Variants in SVIL observed in about 807,000 individuals in gnomAD.
The protein encoded by SVIL is supervillin, also known as archvillin.
SVIL carries 101 observed loss-of-function variants against 240.4 expected under a neutral mutation model. That is an observed-to-expected ratio of 0.42 (90% CI 0.36 to 0.50). The LOEUF (loss-of-function observed/expected upper bound fraction) is 0.50, where lower values mean the gene tolerates loss of function less well. SVIL is among the 20% of genes least tolerant of loss of function. The probability of loss-of-function intolerance (pLI) is 0.01; values close to 1 mark genes in which losing one functional copy is unlikely to be tolerated. For missense variants in SVIL, 2,512 were observed against 2,818.7 expected, an observed-to-expected ratio of 0.89 and a Z score of 2.46; for synonymous variants, 999 against 1,100.0, an observed-to-expected ratio of 0.91 and a Z score of 1.82.
At position 29,457,819 on chromosome 10, in the gene SVIL, T is replaced by C. The variant is rs1233322504; in HGVS notation, c.*428A>G. On this transcript the variant is annotated 3_prime_UTR_variant, in exon 38 of 38. Transcript: ENST00000355867. The stretch of plus-strand genomic sequence containing the variant: ...AATCTTGAAAGTGAATGAATACATA[T>C]TGCTTTGTTAAATACATATTTGACT... 6.5e-6 allele frequency: 1 copy of C among 152,732 alleles called. No individual in the cohort carries two copies. The highest frequency in any genetic ancestry group is 2.4e-5 in the African/African-American group (1 of 41,406). The allele number at this position is 152,732 out of a possible 1,614,324, so 9.5% of individuals were successfully genotyped here.
rs770744463 is a variant in SVIL at position 29,488,638 on chromosome 10, G to A, written c.4311C>T (p.Ala1437=). The A allele has an allele frequency of 1.3e-5, 21 of 1,611,176 alleles. No individual in the cohort carries two copies. Among genetic ancestry groups the A allele is most frequent in the Non-Finnish European group, 1.6e-5 (19 of 1,179,128 alleles). Residue 1437 remains alanine, a synonymous_variant, in exon 23 of 38, where the codon GCC becomes GCT. Transcript: ENST00000355867. ...NLTEQNSNNS[A]VPYKRLMLLQ... The stretch of plus-strand genomic sequence containing the variant: ...ACAGCATCAGCCTCTTGTAGGGCAC[G>A]GCGCTGTTGTTAGAGTTCTGTTCCG...
intron 1 of SVIL, among the ~76,000 whole-genome samples, chr10:29,574,913 G>C (rs1243642429): frequency 6.6e-6 from 1 of 152,238 alleles, no homozygotes; most frequent in Non-Finnish European, 1.5e-5. Context: ...GCTACCCCCA[G>C]ATATGAGTAA....
chr10:29,532,415 T>G, intron 8 of SVIL, 114 bp downstream of exon 8: 1 of 1,460,288 alleles, frequency 6.8e-7, no homozygotes, highest in Non-Finnish European at 9.1e-7. Flanking sequence ...CTGCACGCAC[T>G]TGTGAGCTAA....
intron 18 of SVIL, among the ~76,000 whole-genome samples, chr10:29,498,074 T>C (rs2132427868): frequency 9.0e-6 from 1 of 110,938 alleles, no homozygotes; most frequent in East Asian, 2.5e-4. Context: ...AGAGCGAGAT[T>C]CTGTCCCCTC....
intron 1 of SVIL, among the ~76,000 whole-genome samples, chr10:29,573,425 G>T (rs1955539610): frequency 6.6e-6 from 1 of 151,882 alleles, no homozygotes; most frequent in African/African-American, 2.4e-5. Flanking sequence ...TATTATTTAG[G>T]TATCCTATCC....
chr10:29,458,413 C>T (rs748650002), intron 37 of SVIL, 21 bp downstream of exon 37: 1 of 1,596,248 alleles, frequency 6.3e-7, no homozygotes, highest in Non-Finnish European at 8.5e-7. Flanking sequence ...CCATCCCCAC[C>T]CCACCGGAAG....
intron 16 of SVIL, among the ~76,000 whole-genome samples, chr10:29,520,429 C>T (rs916816929): frequency 6.6e-6 from 1 of 152,206 alleles, no homozygotes; most frequent in South Asian, 2.1e-4. Flanking sequence ...GAAGACATCC[C>T]TCTCCTCATT....
chr10:29,603,745 CAG>C (rs2132848015), intron 1 of SVIL, among the ~76,000 whole-genome samples: 1 of 152,266 alleles, frequency 6.6e-6, no homozygotes, highest in South Asian at 2.1e-4. Context: ...CTGAACAAAA[CAG>C]ATATTGAAAA....
intron 18 of SVIL, chr10:29,496,458 C>A (rs940994911): frequency 2.9e-5 from 13 of 453,564 alleles, no homozygotes; most frequent in Admixed American, 1.9e-4. Context: ...CCGTTAACTC[C>A]GCAGCTAATG....
chr10:29,703,020 T>C (rs75205187), intron 1 of SVIL, among the ~76,000 whole-genome samples: 10,379 of 152,206 alleles, frequency 0.068, 482 homozygotes, highest in African/African-American at 0.12. Context: ...TCTTGGATCT[T>C]AGGCTCTCGT....
chr10:29,507,576 GACACACACACAATTGTACTGCCACAC>G (rs1949471953), intron 17 of SVIL, among the ~76,000 whole-genome samples: 1 of 103,978 alleles, frequency 9.6e-6, no homozygotes, highest in Non-Finnish European at 2.2e-5. Context: ...CACTCTCATG[GACACACACACAATTGTACTGCCACAC>G]ACACACACAC....
chr10:29,480,029 C>A (rs189473159), intron 29 of SVIL, among the ~76,000 whole-genome samples: 1 of 152,184 alleles, frequency 6.6e-6, no homozygotes, highest in African/African-American at 2.4e-5. Context: ...CTACACCAGA[C>A]CCACAAAGCA....
rs181996865 is a variant in SVIL, at chr10:29,527,789, G to A, written c.2247-733C>T. On this transcript the variant is annotated intron_variant, in intron 12 of 37. Transcript: ENST00000355867. ...CGCCCAGGCTGGAATGCAGTGGCGCGATCTCGGCTCACTGCAGCCTCCACC... is the reference window on the plus strand; with the variant it reads ...CGCCCAGGCTGGAATGCAGTGGCGCAATCTCGGCTCACTGCAGCCTCCACC... 2.7e-3 allele frequency among the ~76,000 whole-genome samples: 389 copies of A among 143,836 alleles called. 3 individuals are homozygous for A. The highest frequency in any genetic ancestry group is 0.012 in the Middle Eastern group (3 of 260). 94.4% of individuals were successfully genotyped at this position (143,836 alleles called of 152,430 possible).
At chr10:29,632,017 G>A (rs1958115544) in intron 1 of SVIL, among the ~76,000 whole-genome samples, 1 of 152,192 alleles carries the variant, frequency 6.6e-6, no homozygotes, top group African/African-American at 2.4e-5. Context: ...CCAGGCAGCT[G>A]CAGATTCAGG....
chr10:29,545,866 A>G (rs865829669), intron 6 of SVIL, among the ~76,000 whole-genome samples: 2 of 129,890 alleles, frequency 1.5e-5, no homozygotes, highest in Admixed American at 9.5e-5. Flanking sequence ...AAAAAAAAAA[A>G]AAAAAAAAAA....
At chr10:29,728,114 A>G (rs993276421) in intron 1 of SVIL, among the ~76,000 whole-genome samples, 5 of 152,166 alleles carry the variant, frequency 3.3e-5, no homozygotes, top group African/African-American at 7.2e-5. Flanking sequence ...CACAGTCTTA[A>G]TATGACCAAT....
Position 29,467,822 on chromosome 10 carries a change from C to T in SVIL, c.5897G>A (p.Cys1966Tyr), listed in dbSNP as rs1475756881. The T allele has an allele frequency of 6.2e-7, 1 of 1,614,110 alleles. No homozygotes were observed. Among genetic ancestry groups the T allele is most frequent in the African/African-American group, 1.3e-5 (1 of 74,938 alleles). Residue 1966 changes from cysteine (C) to tyrosine (Y), a missense_variant, in exon 33 of 38, where the codon TGT becomes TAT. Around this residue, in one of 3 missense-constraint regions of SVIL, gnomAD observed 797 missense variants for 925.3 expected, o/e 0.86. Transcript: ENST00000355867. ...HSSSKVTIHE[C>Y]DEGSEPLGFW... ...TCCGAGTGGCTCGGAGCCTTCATCA[C>T]ACTCGTGTATTGTGACTTTGCTGCT...
chr10:29,736,394 C>T (rs533039333), upstream of SVIL, among the ~76,000 whole-genome samples: 34 of 152,352 alleles, frequency 2.2e-4, no homozygotes, highest in South Asian at 6.2e-3. Context: ...TGGGAAGATG[C>T]TTGGGCTAGC....
At chr10:29,509,129 C>A (rs1275584229) in intron 17 of SVIL, among the ~76,000 whole-genome samples, 1 of 152,160 alleles carries the variant, frequency 6.6e-6, no homozygotes, top group African/African-American at 2.4e-5. Context: ...ACATAAACCA[C>A]ACCGTGCAGA....
Sources: allele counts gnomAD v4.1 joint callset (sites outside exome capture counted in the v4.1 genomes callset), GRCh38; gene constraint gnomAD v4.1.1; regional missense constraint gnomAD v4.1.1; transcripts MANE v1.5; gene names NCBI Gene and HGNC (gene_info 2026-07-23, HGNC 2026-07-21).